Variants in RANBP10 observed in about 807,000 individuals in gnomAD.
RANBP10 encodes the protein ran-binding protein 10.
Under a neutral mutation model 72.8 loss-of-function variants are expected in RANBP10, and 24 were observed. The observed-to-expected ratio is 0.33, with a 90% CI of 0.24 to 0.46. The LOEUF (loss-of-function observed/expected upper bound fraction) is 0.46, where lower values mean the gene tolerates loss of function less well. RANBP10 is among the 20% of genes least tolerant of loss of function. The pLI is 1.00. For synonymous variants in RANBP10, 310 were observed against 322.3 expected (o/e 0.96, Z 0.41); for missense variants, 679 against 817.5 (o/e 0.83, Z 2.07).
intron 6 of RANBP10, among the ~76,000 whole-genome samples, chr16:67,732,203 C>A (rs540292050): frequency 6.6e-6 from 1 of 152,182 alleles, no homozygotes; most frequent in South Asian, 2.1e-4. Flanking sequence ...ATCAGGGGCC[C>A]AAGAAGCCAA....
At chr16:67,744,166 G>A in intron 4 of RANBP10, 122 bp downstream of exon 4, 1 of 1,492,750 alleles carries the variant, frequency 6.7e-7, no homozygotes, top group Non-Finnish European at 8.9e-7. Flanking sequence ...CCAATGCCTG[G>A]AAATGGTGCG....
chr16:67,792,044 CAAAAAAA>C (rs567961558), intron 2 of RANBP10, among the ~76,000 whole-genome samples: 1 of 79,204 alleles, frequency 1.3e-5, no homozygotes, highest in African/African-American at 4.8e-5. Context: ...GACTCCGTCT[CAAAAAAA>C]AAAAAAAAAA....
In RANBP10 at chr16:67,772,066, G is replaced by A. The variant is rs1245928032; in HGVS notation, c.368C>T (p.Ser123Leu). ...TCTGTTCATGTTGACGCCTTGAGCC[G>A]AGAGTCCTATTCCCATGTAACTTCA... ...GRDGYMGIGL[S>L]AQGVNMNRLP... The change falls in exon 3 of 14, where the codon TCG (serine) becomes TTG (leucine). Residue 123 changes from serine (S) to leucine (L), a missense_variant. Coordinates refer to ENST00000317506, the MANE Select transcript of RANBP10 (RefSeq NM_020850.3). 8 of 1,590,928 alleles carry A rather than the reference G, an allele frequency of 5.0e-6. No individual in the cohort carries two copies. The highest frequency in any genetic ancestry group is 6.8e-6 in the Non-Finnish European group (8 of 1,169,676).
intron 2 of RANBP10, among the ~76,000 whole-genome samples, chr16:67,779,471 A>G (rs2054772623): frequency 6.6e-6 from 1 of 152,108 alleles, no homozygotes; most frequent in Non-Finnish European, 1.5e-5. Flanking sequence ...ACAAAAATAA[A>G]TAAGGAAAGG....
At chr16:67,734,139 C>T (rs2053791889) in intron 6 of RANBP10, among the ~76,000 whole-genome samples, 1 of 152,198 alleles carries the variant, frequency 6.6e-6, no homozygotes, top group Non-Finnish European at 1.5e-5. Context: ...CCCAGGAATC[C>T]TAGCACCCTG....
intron 10 of RANBP10, 168 bp from the exon 11 acceptor site, chr16:67,728,679 G>T: frequency 7.9e-7 from 1 of 1,265,236 alleles, no homozygotes; most frequent in Non-Finnish European, 1.1e-6. Flanking sequence ...GGCCCCTACT[G>T]TGACACCAGC....
intron 3 of RANBP10, among the ~76,000 whole-genome samples, chr16:67,748,929 A>T (rs2054143249): frequency 6.6e-6 from 1 of 152,202 alleles, no homozygotes; most frequent in Admixed American, 6.5e-5. Flanking sequence ...CCTAAGCAGC[A>T]TACCATAGGA....
intron 2 of RANBP10, among the ~76,000 whole-genome samples, chr16:67,780,480 G>A (rs556662865): frequency 2.6e-5 from 4 of 152,112 alleles, no homozygotes; most frequent in Admixed American, 6.6e-5. Context: ...GGGGATGGTG[G>A]CTTCAGCCTA....
At chr16:67,741,260 C>A (rs1490948084) in intron 4 of RANBP10, among the ~76,000 whole-genome samples, 1 of 152,144 alleles carries the variant, frequency 6.6e-6, no homozygotes, top group African/African-American at 2.4e-5. Context: ...GGATGACCTA[C>A]CCAGGCTTGC....
At chr16:67,799,235 A>G (rs2055188563) in intron 2 of RANBP10, among the ~76,000 whole-genome samples, 2 of 150,122 alleles carry the variant, frequency 1.3e-5, no homozygotes, top group Non-Finnish European at 3.0e-5. Flanking sequence ...GCCACACACA[A>G]GGTATTTTCA....
At position 67,776,711 on chromosome 16, in the gene RANBP10, G is replaced by A. The variant is rs184681517; in HGVS notation, c.348-4625C>T. ...TCACATGAACCTGGGGGCAGAAGTGGCAATAAGCTGAGATCGAGCCACTGC... is the reference window on the plus strand; with the variant it reads ...TCACATGAACCTGGGGGCAGAAGTGACAATAAGCTGAGATCGAGCCACTGC... On this transcript the variant is annotated intron_variant, in intron 2 of 13. Coordinates refer to ENST00000317506, the MANE Select transcript of RANBP10 (RefSeq NM_020850.3). 4.7e-3 allele frequency among the ~76,000 whole-genome samples: 695 copies of A among 149,098 alleles called. 22 individuals carry two copies. The highest frequency in any genetic ancestry group is 0.04 in the Admixed American group (598 of 14,808).
chr16:67,736,638 G>A (rs2053853985), intron 5 of RANBP10, among the ~76,000 whole-genome samples: 1 of 152,176 alleles, frequency 6.6e-6, no homozygotes, highest in Non-Finnish European at 1.5e-5. Flanking sequence ...TGCCTACCAT[G>A]TCTTTCCCCC....
intron 4 of RANBP10, chr16:67,738,795 G>T (rs2053908946): frequency 6.6e-6 from 1 of 152,146 alleles, no homozygotes; most frequent in African/African-American, 2.4e-5. Flanking sequence ...TCTCTTCACT[G>T]GCGGCCTGGC....
chr16:67,784,897 T>C (rs556964613), intron 2 of RANBP10, among the ~76,000 whole-genome samples: 74 of 150,684 alleles, frequency 4.9e-4, no homozygotes, highest in African/African-American at 1.8e-3. Flanking sequence ...AATCTGGCAC[T>C]GGCCCAGTAG....
chr16:67,756,144 G>A (rs2054281840), intron 3 of RANBP10, among the ~76,000 whole-genome samples: 1 of 152,210 alleles, frequency 6.6e-6, no homozygotes, highest in South Asian at 2.1e-4. Flanking sequence ...TAACATCCCT[G>A]GACAGTGCCC....
In RANBP10 at chr16:67,769,463, GT is replaced by G. The variant is rs1190506241; in HGVS notation, c.400+2570del. Among the ~76,000 whole-genome samples, 15 of 107,800 alleles carry G rather than the reference GT, an allele frequency of 1.4e-4. 3 individuals are homozygous for G. Among genetic ancestry groups the G allele is most frequent in the East Asian group, 5.5e-4 (2 of 3,646 alleles). 70.7% of individuals were successfully genotyped at this position (107,800 alleles called of 152,430 possible). On this transcript the variant is annotated intron_variant, in intron 3 of 13. Coordinates refer to ENST00000317506, the MANE Select transcript of RANBP10 (RefSeq NM_020850.3). ...TGTCTCAAAAAAAAAAAAAAAAAAA[GT>G]GCTGGGCGCAGTGGCTCACGCCTGT... is the stretch of plus-strand genomic sequence containing the variant.
In RANBP10 at chr16:67,806,399, G is replaced by A. The variant is rs753433964; in HGVS notation, c.138C>T (p.Val46=). ...GCGGCAGCGGAGTCTCTTGCTGGTTGACCGCGGGATACAGGCGCTGCAAGC... is the reference window on the plus strand; with the variant it reads ...GCGGCAGCGGAGTCTCTTGCTGGTTAACCGCGGGATACAGGCGCTGCAAGC... The part of the protein sequence containing the change: ...SRRLQRLYPA[V]NQQETPLPRS... The change falls in exon 1 of 14, where the codon GTC becomes GTT. Residue 46 remains valine (V), a synonymous_variant. Coordinates refer to ENST00000317506, the MANE Select transcript of RANBP10 (RefSeq NM_020850.3). The A allele has an allele frequency of 6.2e-7, 1 of 1,609,920 alleles. No homozygotes were observed. Among genetic ancestry groups the A allele is most frequent in the Non-Finnish European group, 8.5e-7 (1 of 1,178,400 alleles).
chr16:67,801,993 G>C (rs1165245298), intron 2 of RANBP10, among the ~76,000 whole-genome samples: 1 of 151,856 alleles, frequency 6.6e-6, no homozygotes, highest in Non-Finnish European at 1.5e-5. Context: ...TACTCAGGAA[G>C]CTGAGGTGGG....
In RANBP10 at chr16:67,726,236, G is replaced by A. The variant is rs1220172014; in HGVS notation, c.*192C>T. On this transcript the variant is annotated 3_prime_UTR_variant, in exon 14 of 14. Coordinates refer to ENST00000317506, the MANE Select transcript of RANBP10 (RefSeq NM_020850.3). ...CAGGCCGCTGCACGTGAAGGGGAGA[G>A]AGAGAGAGACTGAGCGGGGTGGTGG... 4.0e-6 allele frequency: 3 copies of A among 753,652 alleles called. No homozygotes were observed. The highest frequency in any genetic ancestry group is 3.5e-5 in the African/African-American group (2 of 56,832). 46.7% of individuals were successfully genotyped at this position (753,652 alleles called of 1,614,324 possible).
Sources: gnomAD v4.1 joint callset for allele counts (sites outside exome capture counted in the v4.1 genomes callset) on GRCh38, gnomAD v4.1.1 for gene constraint, MANE v1.5 for transcripts, NCBI Gene and HGNC (gene_info 2026-07-23, HGNC 2026-07-21) for gene names.